The following VRK2 variants were observed in gnomAD, a reference collection of about 807,000 sequenced individuals.
VRK2 encodes the protein VRK serine/threonine kinase 2.
In VRK2, 60 loss-of-function variants were observed where a neutral mutation model predicts 57.6. The observed-to-expected ratio is 1.04, with a 90% CI of 0.85 to 1.29. The LOEUF is 1.29. VRK2 is among the 50% of genes most tolerant of loss of function. VRK2 has a pLI of 0.00. For missense variants in VRK2, 705 were observed against 588.1 expected, an observed-to-expected ratio of 1.20 and a Z score of -2.06; for synonymous variants, 231 against 199.2, an observed-to-expected ratio of 1.16 and a Z score of -1.35.
chr2:58,002,252 G>A (rs963594600), intron 1 of VRK2, among the ~76,000 whole-genome samples: 2 of 152,102 alleles, frequency 1.3e-5, no homozygotes, highest in Admixed American at 6.6e-5. Context: ...AGGCTGTGGC[G>A]GATCACCCGA....
chr2:58,016,014 A>G (rs12999272), intron 1 of VRK2, among the ~76,000 whole-genome samples: 2,129 of 151,580 alleles, frequency 0.014, 22 homozygotes, highest in Non-Finnish European at 0.023. Context: ...GTTTTCTTTG[A>G]TGATTGGTTC....
intron 7 of VRK2, among the ~76,000 whole-genome samples, chr2:58,116,017 T>G (rs1006078862): frequency 5.3e-5 from 8 of 152,162 alleles, no homozygotes; most frequent in African/African-American, 1.9e-4. Context: ...AGGCGCAGAT[T>G]CTGAACTAAC....
In VRK2 at chr2:58,113,538, C is replaced by G. The variant is rs908043868; in HGVS notation, c.544-9563C>G. On this transcript the variant is annotated intron_variant, in intron 7 of 12. Transcript: ENST00000340157. The stretch of plus-strand genomic sequence containing the variant: ...GGGCTGAGTCCAAAAAGAGAGTCAG[C>G]GAAGGGAGATAGGGGTGGGACCGTT... Among the ~76,000 whole-genome samples the G allele has an allele frequency of 6.1e-4, 92 of 151,802 alleles. 1 individual carries two copies. The highest frequency in any genetic ancestry group is 1.8e-4 in the Non-Finnish European group (12 of 67,954).
intron 1 of VRK2, among the ~76,000 whole-genome samples, chr2:58,007,775 T>A (rs1673294242): frequency 6.6e-6 from 1 of 152,132 alleles, no homozygotes; most frequent in African/African-American, 2.4e-5. Context: ...TGGTCAACTG[T>A]ATGCCTATAT....
Position 58,123,241 on chromosome 2 carries a change from T to C in VRK2, c.676+8T>C, listed in dbSNP as rs780425738. 1 of 1,572,918 alleles carries C rather than the reference T, an allele frequency of 6.4e-7. No individual in the cohort carries two copies. The highest frequency in any genetic ancestry group is 8.6e-7 in the Non-Finnish European group (1 of 1,168,614). ...ATGCCCACAAGGGAGTAGGTGGGTT[T>C]CTTTTTTCTTTTTCTTATTTTTATT... On this transcript the variant is annotated splice_region_variant and intron_variant, in intron 8 of 12. Transcript: ENST00000340157.
intron 1 of VRK2, among the ~76,000 whole-genome samples, chr2:57,973,416 A>T (rs1672154524): frequency 6.6e-6 from 1 of 151,918 alleles, no homozygotes; most frequent in Non-Finnish European, 1.5e-5. Context: ...AAGTGTATCA[A>T]ATTTAAATAT....
intron 1 of VRK2, among the ~76,000 whole-genome samples, chr2:57,937,933 G>A (rs1670969838): frequency 6.7e-6 from 1 of 149,670 alleles, no homozygotes; most frequent in African/African-American, 2.5e-5. Context: ...CTGGGTTCAA[G>A]CGATTCTCCT....
intron 1 of VRK2, among the ~76,000 whole-genome samples, chr2:57,993,246 G>T (rs1471992879): frequency 6.6e-6 from 1 of 152,180 alleles, no homozygotes; most frequent in Non-Finnish European, 1.5e-5. Flanking sequence ...CTTTAAGACA[G>T]GTTCCAGTAC....
intron 1 of VRK2, among the ~76,000 whole-genome samples, chr2:57,979,604 C>T (rs759161274): frequency 6.9e-6 from 1 of 144,966 alleles, no homozygotes; most frequent in African/African-American, 2.9e-5. Context: ...AATAATTTAA[C>T]CCCAGCACTA....
intron 3 of VRK2, among the ~76,000 whole-genome samples, chr2:58,039,412 C>T (rs1014483376): frequency 2.0e-5 from 3 of 152,122 alleles, no homozygotes; most frequent in Non-Finnish European, 4.4e-5. Context: ...CTCCTTATTC[C>T]CTAAAAATTT....
At chr2:57,965,347 A>G (rs1202652998) in intron 1 of VRK2, among the ~76,000 whole-genome samples, 1 of 152,234 alleles carries the variant, frequency 6.6e-6, no homozygotes, top group African/African-American at 2.4e-5. Context: ...AAGAAAAACA[A>G]TGTATCAGGT....
At chr2:58,053,468 C>T (rs1009657594) in intron 2 of VRK2, among the ~76,000 whole-genome samples, 11 of 151,940 alleles carry the variant, frequency 7.2e-5, no homozygotes, top group Non-Finnish European at 1.5e-4. Flanking sequence ...CTTTTGTTGG[C>T]GGATAGGTTT....
intron 10 of VRK2, among the ~76,000 whole-genome samples, chr2:58,137,088 G>A (rs569542198): frequency 1.6e-5 from 2 of 121,464 alleles, no homozygotes; most frequent in East Asian, 2.3e-4. Context: ...ACATATATAT[G>A]TGTATATATC....
chr2:58,029,902 T>G (rs1342437220), intron 2 of VRK2, among the ~76,000 whole-genome samples: 1 of 152,192 alleles, frequency 6.6e-6, no homozygotes, highest in Non-Finnish European at 1.5e-5. Context: ...GTTATTGGCA[T>G]GCCATATTTT....
At chr2:58,011,010 A>G (rs1473474446) in intron 1 of VRK2, among the ~76,000 whole-genome samples, 2 of 152,030 alleles carry the variant, frequency 1.3e-5, no homozygotes, top group African/African-American at 4.8e-5. Flanking sequence ...TCAATGGGGA[A>G]CTCCATCAGG....
At chr2:58,035,477 A>G (rs1674246573) in intron 3 of VRK2, among the ~76,000 whole-genome samples, 1 of 151,924 alleles carries the variant, frequency 6.6e-6, no homozygotes, top group Non-Finnish European at 1.5e-5. Context: ...AGCATGAATT[A>G]TTCTGTAACA....
At chr2:58,081,398 T>C (rs962495158) in intron 2 of VRK2, among the ~76,000 whole-genome samples, 1 of 152,016 alleles carries the variant, frequency 6.6e-6, no homozygotes, top group Admixed American at 6.6e-5. Flanking sequence ...GGCTAAAAAT[T>C]GATTTATTCT....
At chr2:58,155,473 G>A (rs1360824590) in intron 12 of VRK2, among the ~76,000 whole-genome samples, 1 of 151,016 alleles carries the variant, frequency 6.6e-6, no homozygotes, top group East Asian at 1.9e-4. Flanking sequence ...ATATGGCTCT[G>A]CCTTACAGTT....
At chr2:58,148,981 A>G (rs1413198739) in intron 12 of VRK2, among the ~76,000 whole-genome samples, 1 of 151,744 alleles carries the variant, frequency 6.6e-6, no homozygotes. Context: ...TTTAGGTCCT[A>G]GTCTCCTCCA....
Sources: allele counts gnomAD v4.1 joint callset (sites outside exome capture counted in the v4.1 genomes callset), GRCh38; gene constraint gnomAD v4.1.1; transcripts MANE v1.5; gene names NCBI Gene and HGNC (gene_info 2026-07-23, HGNC 2026-07-21).